The following CPNE4 variants were observed in gnomAD, a reference collection of about 807,000 sequenced individuals.
CPNE4 encodes the protein copine 4.
In CPNE4, 25 loss-of-function variants were observed where a neutral mutation model predicts 67.9. The observed-to-expected ratio is 0.37, with a 90% CI of 0.27 to 0.51. The LOEUF (loss-of-function observed/expected upper bound fraction) is 0.51, where lower values mean the gene tolerates loss of function less well. Among genes scored for constraint, CPNE4 ranks in the 20% least tolerant of loss-of-function variants. The pLI is 0.93. For synonymous variants in CPNE4, 242 were observed against 244.9 expected, an observed-to-expected ratio of 0.99 and a Z score of 0.11; for missense variants, 464 against 690.8, an observed-to-expected ratio of 0.67 and a Z score of 3.68.
intron 9 of CPNE4, among the ~76,000 whole-genome samples, chr3:131,579,400 T>C (rs1227752662): frequency 2.0e-5 from 3 of 152,222 alleles, no homozygotes; most frequent in Non-Finnish European, 4.4e-5. Context: ...TTTTCATGAC[T>C]GCTAACACAA....
chr3:131,958,258 G>A (rs556417224), intron 1 of CPNE4, among the ~76,000 whole-genome samples: 147 of 152,306 alleles, frequency 9.7e-4, no homozygotes, highest in Admixed American at 2.0e-3. Flanking sequence ...GAGATAAAGC[G>A]ACTTTTCCCA....
intron 14 of CPNE4, among the ~76,000 whole-genome samples, chr3:131,544,559 A>G (rs1428286840): frequency 1.3e-5 from 2 of 152,066 alleles, no homozygotes; most frequent in African/African-American, 4.8e-5. Flanking sequence ...GTTTCCTTCT[A>G]TGTCTGTATT....
At chr3:131,974,641 A>T (rs770679127) in intron 1 of CPNE4, among the ~76,000 whole-genome samples, 16 of 151,840 alleles carry the variant, frequency 1.1e-4, no homozygotes, top group Non-Finnish European at 2.4e-4. Flanking sequence ...TGCCTCCCAT[A>T]CTCTGTGAAC....
At chr3:131,581,476 A>T (rs1277082129) in intron 9 of CPNE4, 103 bp downstream of exon 9, 2 of 766,248 alleles carry the variant, frequency 2.6e-6, no homozygotes, top group African/African-American at 3.5e-5. Context: ...ATTTTAAAAG[A>T]TCACATCTTT....
At chr3:131,858,474 G>C (rs1025227927) in intron 2 of CPNE4, among the ~76,000 whole-genome samples, 1 of 152,082 alleles carries the variant, frequency 6.6e-6, no homozygotes, top group African/African-American at 2.4e-5. Flanking sequence ...GATAGTGTTT[G>C]ATATTTACTG....
At chr3:131,618,227 C>T (rs75274136) in intron 7 of CPNE4, among the ~76,000 whole-genome samples, 3,439 of 152,106 alleles carry the variant, frequency 0.023, 136 homozygotes, top group African/African-American at 0.077. Context: ...GCTGTAAAAG[C>T]ATAGAAAGGG....
At chr3:131,699,844 TG>T in intron 4 of CPNE4, 64 bp downstream of exon 4, 2 of 1,342,792 alleles carry the variant, frequency 1.5e-6, no homozygotes, top group Middle Eastern at 1.8e-4. Context: ...GTGTCTGGTT[TG>T]GGCTGGCCAG....
chr3:131,961,228 T>C lies in CPNE4; in HGVS notation c.-1-55784A>G, dbSNP rs1321538339. Among the ~76,000 whole-genome samples, 4 of 151,636 alleles carry C rather than the reference T, an allele frequency of 2.6e-5. No individual in the cohort carries two copies. The East Asian group carries it at 7.7e-4, about 29-fold the overall frequency. ...GTAACTCCCTCATAGAATGAGTTTT[T>C]TTCCTTAAGAAATCATTTCCTTAAA... On this transcript the variant is annotated intron_variant, in intron 1 of 15. Coordinates refer to ENST00000429747, the MANE Select transcript of CPNE4 (RefSeq NM_130808.3).
At chr3:131,738,464 A>C (rs2082287737) in intron 2 of CPNE4, among the ~76,000 whole-genome samples, 1 of 18,730 alleles carries the variant, frequency 5.3e-5, no homozygotes, top group Non-Finnish European at 9.5e-5. Context: ...CTTTCATATA[A>C]TCAGAAATAC....
At chr3:132,021,250 C>T (rs778214385) in intron 1 of CPNE4, among the ~76,000 whole-genome samples, 1 of 152,180 alleles carries the variant, frequency 6.6e-6, no homozygotes, top group Non-Finnish European at 1.5e-5. Flanking sequence ...GGAACCCACA[C>T]CATAAGTCAT....
chr3:131,558,518 TA>T (rs2107655712), intron 11 of CPNE4, among the ~76,000 whole-genome samples: 1 of 151,762 alleles, frequency 6.6e-6, no homozygotes, highest in South Asian at 2.1e-4. Context: ...ATAACCAGAA[TA>T]AAATAGTATA....
chr3:131,784,699 TA>T (rs1222369395), intron 2 of CPNE4, among the ~76,000 whole-genome samples: 1 of 152,138 alleles, frequency 6.6e-6, no homozygotes, highest in Non-Finnish European at 1.5e-5. Context: ...CAATCTTTTT[TA>T]TTTTCTTCCC....
chr3:131,912,292 A>G (rs550264155), intron 1 of CPNE4, among the ~76,000 whole-genome samples: 1 of 152,304 alleles, frequency 6.6e-6, no homozygotes, highest in East Asian at 1.9e-4. Flanking sequence ...TGAGTTGCAA[A>G]CAACACAAAG....
chr3:132,026,555 C>T (rs1308172199), intron 1 of CPNE4, among the ~76,000 whole-genome samples: 2 of 152,172 alleles, frequency 1.3e-5, no homozygotes, highest in African/African-American at 2.4e-5. Context: ...GCTTTGACAA[C>T]TGACCAAATT....
At chr3:131,599,693 T>C (rs1008930097) in intron 7 of CPNE4, among the ~76,000 whole-genome samples, 1 of 152,146 alleles carries the variant, frequency 6.6e-6, no homozygotes, top group Non-Finnish European at 1.5e-5. Context: ...AATCTGTCTG[T>C]ACAAGGGCCT....
chr3:131,774,154 G>A (rs1483783158), intron 2 of CPNE4, among the ~76,000 whole-genome samples: 1 of 152,072 alleles, frequency 6.6e-6, no homozygotes, highest in Non-Finnish European at 1.5e-5. Context: ...CTTCCAGCAG[G>A]CAGGGTCCTC....
intron 2 of CPNE4, among the ~76,000 whole-genome samples, chr3:131,800,370 TCTTGAAGACAGCTTAGAAA>T (rs2084056993): frequency 6.6e-6 from 1 of 152,134 alleles, no homozygotes; most frequent in Non-Finnish European, 1.5e-5. Context: ...ATGACAAGCT[TCTTGAAGACAGCTTAGAAA>T]CCTATATATT....
intron 2 of CPNE4, among the ~76,000 whole-genome samples, chr3:131,739,590 G>C (rs1374999970): frequency 6.6e-6 from 1 of 152,220 alleles, no homozygotes; most frequent in Non-Finnish European, 1.5e-5. Context: ...AGACAGTTTG[G>C]TAGAGAAGAA....
chr3:131,801,946 TG>T (rs1464834119), intron 2 of CPNE4, among the ~76,000 whole-genome samples: 1 of 139,224 alleles, frequency 7.2e-6, no homozygotes, highest in Non-Finnish European at 1.6e-5. Flanking sequence ...AATAATAAAA[TG>T]GTTTTAATCA....
Sources: gnomAD v4.1 joint callset for allele counts (sites outside exome capture counted in the v4.1 genomes callset) on GRCh38, gnomAD v4.1.1 for gene constraint, MANE v1.5 for transcripts, NCBI Gene and HGNC (gene_info 2026-07-23, HGNC 2026-07-21) for gene names.